The following OPCML variants were observed in gnomAD, a reference collection of about 807,000 sequenced individuals.
OPCML encodes opioid-binding protein/cell adhesion molecule.
OPCML carries 13 observed loss-of-function variants against 37.8 expected under a neutral mutation model. That is an observed-to-expected ratio of 0.34 (90% CI 0.22 to 0.55). The LOEUF (loss-of-function observed/expected upper bound fraction) is 0.55, where lower values mean the gene tolerates loss of function less well. Among genes scored for constraint, OPCML ranks in the 20% least tolerant of loss-of-function variants. The pLI, the probability that OPCML is intolerant of heterozygous loss-of-function variation, is 0.91. For synonymous variants in OPCML, 176 were observed against 168.8 expected (o/e 1.04, Z -0.33); for missense variants, 341 against 435.6 (o/e 0.78, Z 1.93).
At chr11:132,680,479 T>A (rs57307931) in intron 2 of OPCML, among the ~76,000 whole-genome samples, 2 of 152,162 alleles carry the variant, frequency 1.3e-5, no homozygotes, top group African/African-American at 4.8e-5. Flanking sequence ...ACAGATCTGA[T>A]GCACTTTCCT....
intron 1 of OPCML, among the ~76,000 whole-genome samples, chr11:133,487,763 G>T (rs1489251932): frequency 1.4e-5 from 2 of 146,608 alleles, no homozygotes; most frequent in South Asian, 2.2e-4. Flanking sequence ...ATATTGCAGA[G>T]ATACTCTGTG....
At chr11:133,216,630 A>G (rs1245966851) in intron 1 of OPCML, among the ~76,000 whole-genome samples, 1 of 152,206 alleles carries the variant, frequency 6.6e-6, no homozygotes, top group Non-Finnish European at 1.5e-5. Flanking sequence ...TCTACCTTAC[A>G]GAAGAGGAAA....
At chr11:133,152,316 C>T (rs1949998023) in intron 1 of OPCML, among the ~76,000 whole-genome samples, 1 of 152,186 alleles carries the variant, frequency 6.6e-6, no homozygotes, top group African/African-American at 2.4e-5. Flanking sequence ...TGCTTATCAA[C>T]AGTAGGCAAA....
intron 1 of OPCML, among the ~76,000 whole-genome samples, chr11:133,096,464 A>C (rs1448572289): frequency 6.6e-6 from 1 of 151,984 alleles, no homozygotes; most frequent in Non-Finnish European, 1.5e-5. Flanking sequence ...TGGAAGACAA[A>C]AAAATAGGAA....
intron 1 of OPCML, among the ~76,000 whole-genome samples, chr11:133,072,882 A>T (rs995205539): frequency 7.2e-5 from 11 of 152,236 alleles, no homozygotes; most frequent in African/African-American, 2.7e-4. Context: ...CTGGGACAGC[A>T]CATCTCAGCC....
At chr11:133,020,344 C>T (rs1001200714) in intron 1 of OPCML, among the ~76,000 whole-genome samples, 4 of 152,232 alleles carry the variant, frequency 2.6e-5, no homozygotes, top group African/African-American at 9.6e-5. Context: ...TCTTCCCTCC[C>T]TTTCACCCAC....
intron 2 of OPCML, among the ~76,000 whole-genome samples, chr11:132,696,472 G>T (rs1289629041): frequency 4.6e-5 from 7 of 151,922 alleles, no homozygotes; most frequent in Admixed American, 4.6e-4. Flanking sequence ...ACCTCTAATT[G>T]GTATTCTTAG....
intron 4 of OPCML, among the ~76,000 whole-genome samples, chr11:132,503,091 G>A (rs2096249087): frequency 6.6e-6 from 1 of 152,176 alleles, no homozygotes; most frequent in Admixed American, 6.6e-5. Context: ...ATTCTACACT[G>A]CCAGTGCAGA....
At chr11:132,496,114 T>C (rs1445031995) in intron 4 of OPCML, among the ~76,000 whole-genome samples, 1 of 151,678 alleles carries the variant, frequency 6.6e-6, no homozygotes, top group Non-Finnish European at 1.5e-5. Context: ...AAATCTGAAT[T>C]CCCCCCACTG....
intron 3 of OPCML, among the ~76,000 whole-genome samples, chr11:132,543,502 C>A (rs1397928351): frequency 6.6e-6 from 1 of 151,458 alleles, no homozygotes; most frequent in East Asian, 1.9e-4. Context: ...TACGGTGTCT[C>A]CAAGTGTCTC....
chr11:133,081,451 C>T (rs899933433), intron 1 of OPCML, among the ~76,000 whole-genome samples: 3 of 152,174 alleles, frequency 2.0e-5, no homozygotes, highest in Admixed American at 1.3e-4. Context: ...ACAAGCTCAA[C>T]GAATATGTAA....
intron 2 of OPCML, among the ~76,000 whole-genome samples, chr11:132,891,120 G>T (rs1232698801): frequency 6.6e-6 from 1 of 152,130 alleles, no homozygotes; most frequent in African/African-American, 2.4e-5. Flanking sequence ...TTAAAATTAG[G>T]TAAGGTAGTT....
At chr11:132,632,932 T>C (rs1940244123) in intron 3 of OPCML, among the ~76,000 whole-genome samples, 1 of 148,200 alleles carries the variant, frequency 6.7e-6, no homozygotes, top group Admixed American at 6.7e-5. Flanking sequence ...TAACTAATGA[T>C]GTTCTCACCA....
intron 4 of OPCML, among the ~76,000 whole-genome samples, chr11:132,501,701 G>C (rs1592273991): frequency 6.6e-6 from 1 of 152,178 alleles, no homozygotes; most frequent in South Asian, 2.1e-4. Flanking sequence ...ATCAAGGGCT[G>C]ATTTTCTCCA....
chr11:133,121,213 T>A, intron 1 of OPCML, among the ~76,000 whole-genome samples: 1 of 152,198 alleles, frequency 6.6e-6, no homozygotes, highest in Non-Finnish European at 1.5e-5. Flanking sequence ...GCCACTGTTC[T>A]TGGCCTCCAT....
intron 1 of OPCML, among the ~76,000 whole-genome samples, chr11:133,502,776 C>T (rs1046553856): frequency 1.3e-5 from 2 of 152,170 alleles, no homozygotes; most frequent in African/African-American, 4.8e-5. Flanking sequence ...GAGATGTGTG[C>T]CGTTGCCTAT....
At chr11:132,835,358 T>G (rs944748051) in intron 2 of OPCML, among the ~76,000 whole-genome samples, 1 of 152,164 alleles carries the variant, frequency 6.6e-6, no homozygotes, top group Non-Finnish European at 1.5e-5. Context: ...TGGAAAGAAT[T>G]GCATTCTCCC....
chr11:133,004,950 G>A (rs773490166), intron 1 of OPCML: 236 of 985,118 alleles, frequency 2.4e-4, no homozygotes, highest in Non-Finnish European at 2.7e-4. Flanking sequence ...CCACTGCACC[G>A]AGCTAGTCTA....
chr11:133,006,060 G>A, intron 1 of OPCML: 4 of 985,374 alleles, frequency 4.1e-6, no homozygotes, highest in Non-Finnish European at 4.8e-6. Context: ...AGGGCGACCG[G>A]GAATGGAGTG....
Sources: gnomAD v4.1 joint callset for allele counts (sites outside exome capture counted in the v4.1 genomes callset) on GRCh38, gnomAD v4.1.1 for gene constraint, MANE v1.5 for transcripts, NCBI Gene and HGNC (gene_info 2026-07-23, HGNC 2026-07-21) for gene names.